LOXHD1: variants seen among roughly 807,000 people sequenced by gnomAD.
LOXHD1 encodes the protein lipoxygenase homology PLAT domains 1.
Under a neutral mutation model 248.2 loss-of-function variants are expected in LOXHD1, and 205 were observed. The ratio of observed to expected loss-of-function variants is 0.83; its 90% CI spans 0.74 to 0.93. The LOEUF (loss-of-function observed/expected upper bound fraction) is 0.93, where lower values mean the gene tolerates loss of function less well. Ranked by LOEUF, LOXHD1 falls within the 40% of genes least tolerant of loss-of-function variation. LOXHD1 has a pLI of 0.00. For synonymous variants in LOXHD1, 1,113 were observed against 1,162.8 expected, an observed-to-expected ratio of 0.96 and a Z score of 0.87; for missense variants, 2,930 against 2,971.6, an observed-to-expected ratio of 0.99 and a Z score of 0.33.
chr18:46,541,257 G>T (rs1045413047), intron 25 of LOXHD1, among the ~76,000 whole-genome samples: 11 of 151,768 alleles, frequency 7.2e-5, no homozygotes, highest in African/African-American at 2.7e-4. Flanking sequence ...TTTGAATTCT[G>T]GGTCTAGCAG....
At chr18:46,544,770 A>T in intron 23 of LOXHD1, 1 of 470,496 alleles carries the variant, frequency 2.1e-6, no homozygotes, top group South Asian at 1.6e-5. Context: ...TTGTTGTAGT[A>T]GATATGAGCA....
At chr18:46,602,115 G>T (rs2038349443) in intron 7 of LOXHD1, among the ~76,000 whole-genome samples, 1 of 152,124 alleles carries the variant, frequency 6.6e-6, no homozygotes, top group Non-Finnish European at 1.5e-5. Flanking sequence ...TTAAACTCTG[G>T]GACTGGGCGA....
chr18:46,559,070 T>G (rs2037449272), intron 20 of LOXHD1: 3 of 1,092,166 alleles, frequency 2.7e-6, no homozygotes, highest in African/African-American at 1.6e-5. Flanking sequence ...TACACCATAC[T>G]CACCTGCCAA....
rs1240141688 is a variant in LOXHD1 at position 46,560,304 on chromosome 18, T to G, written c.2840A>C (p.Asp947Ala). ...QRKKKKRKGS[D>A]EEDEGEEEES... ...CTCTTCCTCCCCCTCGTCCTCTTCGTCGCTGCCCTTCCTCTTCTTCTTCTT... is the reference window on the plus strand; with the variant it reads ...CTCTTCCTCCCCCTCGTCCTCTTCGGCGCTGCCCTTCCTCTTCTTCTTCTT... Residue 947 changes from aspartate to alanine, a missense_variant, in exon 19 of 41, where the codon GAC (aspartate) becomes GCC (alanine). Coordinates refer to ENST00000642948, the MANE Select transcript of LOXHD1 (RefSeq NM_001384474.1). The G allele has an allele frequency of 6.4e-7, 1 of 1,551,986 alleles. No homozygotes were observed. The highest frequency in any genetic ancestry group is 8.7e-7 in the Non-Finnish European group (1 of 1,147,072).
At position 46,518,112 on chromosome 18, in the gene LOXHD1, G is replaced by A. The variant is rs747143773; in HGVS notation, c.5399+17C>T. ...TGAATGTGGGAGGGGTGAGGGGCAG[G>A]GGCCGCCTCCAGGTACCTGGCTTTC... On this transcript the variant is annotated intron_variant, in intron 34 of 40. Coordinates refer to ENST00000642948, the MANE Select transcript of LOXHD1 (RefSeq NM_001384474.1). 6 of 1,551,002 alleles carry A rather than the reference G, an allele frequency of 3.9e-6. No homozygotes were observed. In the African/African-American group the frequency reaches 8.2e-5, roughly 21 times the overall value.
intron 32 of LOXHD1, 35 bp from the exon 33 acceptor site, chr18:46,521,317 G>A: frequency 6.4e-7 from 1 of 1,550,390 alleles, no homozygotes; most frequent in Non-Finnish European, 8.7e-7. Context: ...TGACGATCTG[G>A]GCACAACTGG....
chr18:46,636,466 G>A (rs995234516), intron 4 of LOXHD1, among the ~76,000 whole-genome samples: 5 of 152,190 alleles, frequency 3.3e-5, no homozygotes, highest in African/African-American at 1.2e-4. Flanking sequence ...TCCACTCGAC[G>A]AGGATCTGCC....
chr18:46,528,353 G>C lies in LOXHD1; in HGVS notation c.4530+824C>G, dbSNP rs559195705. ...AGGGGCAGGGGGCATGACAGAAAGG[G>C]CACAGACTGGGAGGAGTAGAGGCGG... is the stretch of plus-strand genomic sequence containing the variant. On this transcript the variant is annotated intron_variant, in intron 29 of 40. Transcript: ENST00000642948. Among the ~76,000 whole-genome samples, 132 of 152,212 alleles carry C rather than the reference G, an allele frequency of 8.7e-4. 1 individual carries two copies. The South Asian group carries it at 0.014, about 16-fold the overall frequency.
chr18:46,532,097 T>C (rs1357461522), intron 28 of LOXHD1, among the ~76,000 whole-genome samples: 2 of 152,240 alleles, frequency 1.3e-5, no homozygotes, highest in African/African-American at 2.4e-5. Context: ...GGGCCCAGAA[T>C]TTTAAATTTT....
rs532100112 is a variant in LOXHD1 at position 46,569,224 on chromosome 18, G to T, written c.2244+218C>A. 2.0e-5 allele frequency among the ~76,000 whole-genome samples: 3 copies of T among 152,256 alleles called. 1 individual carries two copies. The South Asian group carries it at 6.2e-4, about 32-fold the overall frequency. ...AAGAGGCTCTGGAAGCATCACTACT[G>T]TTTACATATCTTCAGCTGCTCTAGG... On this transcript the variant is annotated intron_variant, in intron 16 of 40. Transcript: ENST00000642948.
At chr18:46,555,125 C>T (rs1446734566) in intron 21 of LOXHD1, 3 of 470,836 alleles carry the variant, frequency 6.4e-6, no homozygotes, top group South Asian at 3.1e-5. Flanking sequence ...AATTACTAAC[C>T]CTGATGGAGC....
intron 8 of LOXHD1, among the ~76,000 whole-genome samples, chr18:46,598,063 G>A (rs545019646): frequency 2.6e-5 from 4 of 151,888 alleles, no homozygotes; most frequent in Admixed American, 6.6e-5. Flanking sequence ...CACTGCGCCC[G>A]GCCAGAAAAA....
At chr18:46,517,840 A>T (rs528221075) in intron 34 of LOXHD1, among the ~76,000 whole-genome samples, 1 of 152,258 alleles carries the variant, frequency 6.6e-6, no homozygotes, top group Non-Finnish European at 1.5e-5. Flanking sequence ...ACAATGATAC[A>T]ATACCATCAA....
At chr18:46,538,117 AC>A in intron 26 of LOXHD1, 38 bp downstream of exon 26, 1 of 1,505,368 alleles carries the variant, frequency 6.6e-7, no homozygotes, top group South Asian at 1.3e-5. Flanking sequence ...CCTCTGTCTG[AC>A]CTACTCCATC....
chr18:46,613,753 A>G (rs912793605), intron 5 of LOXHD1, among the ~76,000 whole-genome samples: 1 of 152,210 alleles, frequency 6.6e-6, no homozygotes, highest in African/African-American at 2.4e-5. Flanking sequence ...GGGTTTTTAA[A>G]AAGTAAATAA....
Position 46,507,438 on chromosome 18 carries a change from C to T in LOXHD1, c.5692+100G>A, listed in dbSNP as rs189369718. ...TTGGATTGACTAGATTTTGGAAGGC[C>T]TTATGAAGAAAAATGCCCTGACCAG... On this transcript the variant is annotated intron_variant, in intron 36 of 40. Transcript: ENST00000642948. The T allele has an allele frequency of 3.4e-3, 4,635 of 1,369,000 alleles. 15 individuals are homozygous for T. The highest frequency in any genetic ancestry group is 4.4e-3 in the Middle Eastern group (21 of 4,788). The allele number at this position is 1,369,000 out of a possible 1,614,324, so 84.8% of individuals were successfully genotyped here. A position where few individuals can be genotyped will look rare whatever the true frequency, so the allele number is the denominator to read the frequency against.
intron 7 of LOXHD1, among the ~76,000 whole-genome samples, chr18:46,603,619 CT>C (rs1568212329): frequency 6.6e-6 from 1 of 152,212 alleles, no homozygotes; most frequent in Non-Finnish European, 1.5e-5. Flanking sequence ...GAATCTATCA[CT>C]TGCCAGCTGT....
intron 4 of LOXHD1, among the ~76,000 whole-genome samples, chr18:46,633,878 T>A (rs1242800117): frequency 6.6e-6 from 1 of 152,216 alleles, no homozygotes; most frequent in Non-Finnish European, 1.5e-5. Context: ...ATTCTCAACA[T>A]CACTAATCAT....
intron 28 of LOXHD1, among the ~76,000 whole-genome samples, chr18:46,530,602 C>T (rs553629226): frequency 1.2e-4 from 19 of 152,158 alleles, no homozygotes; most frequent in Non-Finnish European, 2.4e-4. Flanking sequence ...CCCCTCCCTG[C>T]CGTGAATGAG....
Sources: allele counts gnomAD v4.1 joint callset (sites outside exome capture counted in the v4.1 genomes callset), GRCh38; gene constraint gnomAD v4.1.1; transcripts MANE v1.5; gene names NCBI Gene and HGNC (gene_info 2026-07-23, HGNC 2026-07-21).